The following ZNF674 variants were observed in gnomAD, a reference collection of about 807,000 sequenced individuals.
The protein encoded by ZNF674 is zinc finger protein 674, also known as zinc finger family member 674.
ZNF674 carries 2 observed loss-of-function variants against 7.0 expected under a neutral mutation model. The ratio of observed to expected loss-of-function variants is 0.29; its 90% CI spans 0.12 to 0.90. The LOEUF (loss-of-function observed/expected upper bound fraction) is 0.90. Among genes scored for constraint, ZNF674 ranks in the 40% least tolerant of loss-of-function variants. The probability of loss-of-function intolerance (pLI) is 0.57; values close to 1 mark genes in which losing one functional copy is unlikely to be tolerated. For synonymous variants in ZNF674, 103 were observed against 145.2 expected (o/e 0.71, Z 2.09); for missense variants, 297 against 415.5 (o/e 0.71, Z 2.48).
chrX:46,531,545 CTTGGTATTTGGGTAA>C (rs1942108288), intron 3 of ZNF674, among the ~76,000 whole-genome samples: 1 of 111,477 alleles, frequency 9.0e-6, no homozygotes, highest in African/African-American at 3.3e-5. Flanking sequence ...TGGAGAATGA[CTTGGTATTTGGGTAA>C]ACAGCCTGGG....
At chrX:46,520,898 C>T (rs939562274) in intron 5 of ZNF674, among the ~76,000 whole-genome samples, 1 of 111,651 alleles carries the variant, frequency 9.0e-6, no homozygotes, top group Admixed American at 9.5e-5. Flanking sequence ...AGTGAAAAGA[C>T]AATCTAGACT....
chrX:46,541,563 A>T (rs1055606322), intron 3 of ZNF674, among the ~76,000 whole-genome samples: 1 of 111,461 alleles, frequency 9.0e-6, no homozygotes, highest in Admixed American at 9.6e-5. Flanking sequence ...GCATAAAAAA[A>T]ATATATACGT....
intron 5 of ZNF674, among the ~76,000 whole-genome samples, chrX:46,526,731 C>G (rs1321464065): frequency 9.0e-6 from 1 of 111,717 alleles, no homozygotes; most frequent in African/African-American, 3.3e-5. Flanking sequence ...TTAACTCATT[C>G]TTTGTCATAG....
chrX:46,521,093 G>A (rs1045726635), intron 5 of ZNF674, among the ~76,000 whole-genome samples: 3 of 108,857 alleles, frequency 2.8e-5, no homozygotes, highest in Middle Eastern at 4.7e-3. Flanking sequence ...AGACTGAGGC[G>A]GAAGAATCGC....
intron 3 of ZNF674, among the ~76,000 whole-genome samples, chrX:46,531,892 C>T (rs1196395649): frequency 4.5e-5 from 5 of 111,547 alleles, no homozygotes; most frequent in Non-Finnish European, 9.4e-5. Context: ...TGTGGCCAGG[C>T]GCGGTGGCTC....
Position 46,528,377 on chromosome X carries a change from C to T in ZNF674, c.211G>A (p.Gly71Arg), listed in dbSNP as rs1396334641. ...GPGDESWMAD[G>R]GTPVRTCAEV... is the part of the protein sequence containing the mutation. ...GCACAGGTCCGTACCGGGGTCCCTC[C>T]ATCTGCCATCCAGGACTCGTCACCT... The change falls in exon 5 of 6, where the codon GGA (glycine) becomes AGA (arginine). Residue 71 changes from glycine (G) to arginine (R), a missense_variant. Physicochemically the swap from Gly to Arg is moderately radical, Grantham distance 125. Coordinates refer to ENST00000683375, the MANE Select transcript of ZNF674 (RefSeq NM_001190417.2). 8.3e-7 allele frequency: 1 copy of T among 1,209,736 alleles called. No homozygotes were observed. The highest frequency in any genetic ancestry group is 1.8e-5 in the African/African-American group (1 of 57,077).
chrX:46,526,823 T>G (rs768751439), intron 5 of ZNF674, among the ~76,000 whole-genome samples: 1 of 111,488 alleles, frequency 9.0e-6, no homozygotes, highest in Non-Finnish European at 1.9e-5. Flanking sequence ...GTCAGAGATT[T>G]GTTAGATAGG....
intron 5 of ZNF674, among the ~76,000 whole-genome samples, chrX:46,501,888 A>C (rs1269872699): frequency 9.3e-6 from 1 of 107,389 alleles, no homozygotes; most frequent in Non-Finnish European, 1.9e-5. Context: ...CCTGTTTAAC[A>C]AGCATGGGAG....
chrX:46,533,811 CAAA>C (rs763490420), intron 3 of ZNF674, among the ~76,000 whole-genome samples: 3 of 23,927 alleles, frequency 1.3e-4, no homozygotes, highest in African/African-American at 6.4e-4. Flanking sequence ...GACCCTGTCT[CAAA>C]AAAAAAAAAA....
chrX:46,509,989 G>C (rs1941619295), intron 5 of ZNF674, among the ~76,000 whole-genome samples: 1 of 110,063 alleles, frequency 9.1e-6, no homozygotes, highest in Admixed American at 9.8e-5. Flanking sequence ...GTCCTTTGTA[G>C]GGACATGGAT....
chrX:46,531,611 G>T (rs552746752), intron 3 of ZNF674, among the ~76,000 whole-genome samples: 4 of 111,361 alleles, frequency 3.6e-5, no homozygotes, highest in African/African-American at 9.8e-5. Flanking sequence ...TGTGTCAAGT[G>T]AGAGTAGACA....
intron 5 of ZNF674, among the ~76,000 whole-genome samples, chrX:46,507,601 T>C (rs1004369464): frequency 9.0e-6 from 1 of 111,264 alleles, no homozygotes; most frequent in African/African-American, 3.3e-5. Context: ...TCCATGGAGG[T>C]TCTGGAACAA....
At position 46,500,103 on chromosome X, in the gene ZNF674, G is replaced by T; in HGVS notation, c.1471C>A (p.Pro491Thr). The T allele has an allele frequency of 8.3e-7, 1 of 1,211,487 alleles. No homozygotes were observed. The highest frequency in any genetic ancestry group is 1.1e-6 in the Non-Finnish European group (1 of 895,389). Residue 491 changes from proline to threonine, a missense_variant, in exon 6 of 6, where the codon CCC (proline) becomes ACC (threonine). Pro to Thr is a conservative substitution (Grantham distance 38). Coordinates refer to ENST00000683375, the MANE Select transcript of ZNF674 (RefSeq NM_001190417.2). ...KHQRIHTGER[P>T]YECTDCKKAF... is the part of the protein sequence containing the mutation. ...TTTTTACAGTCAGTGCATTCATAGGGTCTCTCTCCTGTATGAATTCTCTGA... is the reference window on the plus strand; with the variant it reads ...TTTTTACAGTCAGTGCATTCATAGGTTCTCTCTCCTGTATGAATTCTCTGA...
At chrX:46,511,789 C>T (rs1941658511) in intron 5 of ZNF674, among the ~76,000 whole-genome samples, 1 of 111,396 alleles carries the variant, frequency 9.0e-6, no homozygotes, top group Non-Finnish European at 1.9e-5. Context: ...TTTGGGAGGC[C>T]GAGGCAGGTG....
intron 5 of ZNF674, among the ~76,000 whole-genome samples, chrX:46,509,786 TG>T (rs1380470417): frequency 2.0e-5 from 2 of 101,950 alleles, no homozygotes; most frequent in African/African-American, 7.3e-5. Flanking sequence ...ATCCCATTAC[TG>T]GGTATATACC....
chrX:46,520,381 A>G (rs1319161200), intron 5 of ZNF674, among the ~76,000 whole-genome samples: 1 of 111,334 alleles, frequency 9.0e-6, no homozygotes, highest in Non-Finnish European at 1.9e-5. Flanking sequence ...CCTGGGCCAC[A>G]GAGCGAGAAT....
intron 5 of ZNF674, among the ~76,000 whole-genome samples, chrX:46,524,680 G>A (rs752071256): frequency 4.7e-4 from 46 of 97,280 alleles, no homozygotes; most frequent in African/African-American, 1.6e-3. Context: ...CAGAGATTCC[G>A]TCTCGAAAAG....
rs745766277 is a variant in ZNF674 at position 46,500,696 on chromosome X, T to C, written c.878A>G (p.His293Arg). ...TTTCTCTCCTGTATGAGTTCGTTGA[T>C]GTTTAATCAGAGTTGACTTCTGGAT... Reference protein sequence around the residue: ...TFIQKSTLIKHQRTHTGEKPF... With the variant: ...TFIQKSTLIKRQRTHTGEKPF... Residue 293 changes from histidine to arginine, a missense_variant, in exon 6 of 6, where the codon CAT becomes CGT. Physicochemically the swap from His to Arg is conservative, Grantham distance 29. Coordinates refer to ENST00000683375, the MANE Select transcript of ZNF674 (RefSeq NM_001190417.2). The C allele has an allele frequency of 8.3e-6, 10 of 1,210,553 alleles. No homozygotes were observed. Among genetic ancestry groups the C allele is most frequent in the Non-Finnish European group, 1.1e-5 (10 of 895,341 alleles).
intron 5 of ZNF674, among the ~76,000 whole-genome samples, chrX:46,510,314 A>AT (rs1941629871): frequency 9.0e-6 from 1 of 111,531 alleles, no homozygotes; most frequent in Non-Finnish European, 1.9e-5. Context: ...AAATTTATTA[A>AT]TTTTTTAAAA....
Sources: gnomAD v4.1 joint callset for allele counts (sites outside exome capture counted in the v4.1 genomes callset) on GRCh38, gnomAD v4.1.1 for gene constraint, MANE v1.5 for transcripts, NCBI Gene and HGNC (gene_info 2026-07-23, HGNC 2026-07-21) for gene names.